CACNA1I: variants seen among roughly 807,000 people sequenced by gnomAD.
The protein encoded by CACNA1I is calcium voltage-gated channel subunit alpha1 I.
Under a neutral mutation model 201.6 loss-of-function variants are expected in CACNA1I, and 74 were observed. The ratio of observed to expected loss-of-function variants is 0.37; its 90% confidence interval spans 0.30 to 0.45. CACNA1I has a LOEUF of 0.45. Among genes scored for constraint, CACNA1I ranks in the 20% least tolerant of loss-of-function variants. The pLI is 1.00. For synonymous variants in CACNA1I, 1,431 were observed against 1,345.2 expected, an observed-to-expected ratio of 1.06 and a Z score of -1.40; for missense variants, 2,346 against 3,138.1, an observed-to-expected ratio of 0.75 and a Z score of 6.03.
chr22:39,591,631 T>C (rs1474451422), intron 1 of CACNA1I, among the ~76,000 whole-genome samples: 1 of 151,902 alleles, frequency 6.6e-6, no homozygotes, highest in African/African-American at 2.4e-5. Flanking sequence ...CAATCTCAGC[T>C]CACTGAAACC....
At position 39,685,026 on chromosome 22, in the gene CACNA1I, G is replaced by A. The variant is rs61295862; in HGVS notation, c.6027+528G>A. Reference sequence around the variant, plus strand: ...TGAAGCACTGAGGGCTCCGCTGTGGGGGTGGGGAAATGGGGCCGGGCCGGC... The same window carrying A: ...TGAAGCACTGAGGGCTCCGCTGTGGAGGTGGGGAAATGGGGCCGGGCCGGC... On this transcript the variant is annotated intron_variant, in intron 36 of 36. Transcript: ENST00000402142. The surrounding 1 kb of genome is among the most constrained non-coding windows in gnomAD (Gnocchi z 5.0). The A allele has an allele frequency of 4.4e-3, 820 of 187,130 alleles. 7 individuals carry two copies. The highest frequency in any genetic ancestry group is 0.018 in the African/African-American group (778 of 42,456). 11.6% of individuals were successfully genotyped at this position (187,130 alleles called of 1,614,324 possible).
intron 1 of CACNA1I, among the ~76,000 whole-genome samples, chr22:39,583,530 A>G (rs1441975779): frequency 6.6e-6 from 1 of 151,986 alleles, no homozygotes; most frequent in Non-Finnish European, 1.5e-5. Context: ...CCATCCCTCC[A>G]CTCAACCTTT....
Position 39,677,336 on chromosome 22 carries a change from C to T in CACNA1I, c.4855-5C>T, listed in dbSNP as rs755794135. 23 of 1,588,322 alleles carry T rather than the reference C, an allele frequency of 1.4e-5. No individual in the cohort carries two copies. The highest frequency in any genetic ancestry group is 5.2e-5 in the Admixed American group (3 of 57,512). ...CCCCACCCGGCCTCACCTGTCCTCC[C>T]GCAGGTGGGCAACCTGGGCCTCCTC... On this transcript the variant is annotated splice_polypyrimidine_tract_variant and splice_region_variant and intron_variant, in intron 29 of 36. Transcript: ENST00000402142. This position sits in a 1 kb window ranked among gnomAD's most constrained non-coding sequence, Gnocchi z 4.8.
rs1273145592 is a variant in CACNA1I at position 39,603,217 on chromosome 22, A to G, written c.482+2564A>G. ...AGAAAGTTCTTCCATCTCTTCTTTG[A>G]CTATGGCCCATTATTCTCTGCTGTC... On this transcript the variant is annotated intron_variant, in intron 3 of 36. Transcript: ENST00000402142. 4.6e-5 allele frequency among the ~76,000 whole-genome samples: 7 copies of G among 150,848 alleles called. No individual in the cohort carries two copies. In the East Asian group the frequency reaches 1.4e-3, roughly 29 times the overall value.
chr22:39,640,611 C>A (rs942960021), intron 5 of CACNA1I, among the ~76,000 whole-genome samples: 1 of 152,102 alleles, frequency 6.6e-6, no homozygotes, highest in African/African-American at 2.4e-5. Flanking sequence ...GAGGGCATCT[C>A]CCCCAGGAGC....
intron 4 of CACNA1I, among the ~76,000 whole-genome samples, chr22:39,620,237 GTCCATCCATCCA>G (rs67971450): frequency 0.073 from 8,616 of 117,636 alleles, 285 homozygotes; most frequent in East Asian, 0.1. Flanking sequence ...CCATCCACCT[GTCCATCCATCCA>G]TCCATCCATC....
chr22:39,608,689 G>A (rs1437280748), intron 3 of CACNA1I, among the ~76,000 whole-genome samples: 1 of 151,454 alleles, frequency 6.6e-6, no homozygotes, highest in African/African-American at 2.4e-5. Flanking sequence ...AAAAAAATGT[G>A]TGTGTCTGTA....
chr22:39,584,059 C>T (rs1932666473), intron 1 of CACNA1I, among the ~76,000 whole-genome samples: 1 of 152,176 alleles, frequency 6.6e-6, no homozygotes, highest in Admixed American at 6.5e-5. Context: ...AGTGGGGAGC[C>T]ACAGAAGGCT....
chr22:39,642,944 G>A (rs1253464488), intron 7 of CACNA1I, 55 bp downstream of exon 7: 5 of 1,245,212 alleles, frequency 4.0e-6, no homozygotes, highest in Middle Eastern at 1.9e-4. Flanking sequence ...TGGACCAGGG[G>A]ACCTGAGGAG....
intron 25 of CACNA1I, 39 bp downstream of exon 25, chr22:39,670,269 C>T: frequency 6.3e-7 from 1 of 1,590,152 alleles, no homozygotes; most frequent in Non-Finnish European, 8.5e-7. Context: ...CCACCCAGCT[C>T]TAAGCCCTTC....
intron 3 of CACNA1I, among the ~76,000 whole-genome samples, chr22:39,618,328 T>A (rs1439142255): frequency 2.0e-5 from 3 of 150,752 alleles, no homozygotes; most frequent in African/African-American, 7.3e-5. Context: ...TGTGTGTGAT[T>A]GTGCAGGTGT....
intron 1 of CACNA1I, among the ~76,000 whole-genome samples, chr22:39,582,135 C>T (rs1932574060): frequency 6.6e-6 from 1 of 152,162 alleles, no homozygotes; most frequent in Non-Finnish European, 1.5e-5. Context: ...GGGAGGCTCC[C>T]AGCCCCACAC....
chr22:39,619,900 G>A (rs186227852), intron 4 of CACNA1I, among the ~76,000 whole-genome samples: 64 of 152,008 alleles, frequency 4.2e-4, no homozygotes, highest in African/African-American at 1.4e-3. Context: ...CCTAGCCACC[G>A]GTTCATCCAT....
At chr22:39,602,014 T>C (rs71321162) in intron 3 of CACNA1I, among the ~76,000 whole-genome samples, 4 of 4,654 alleles carry the variant, frequency 8.6e-4, no homozygotes, top group Non-Finnish European at 1.6e-3. Flanking sequence ...CCTTCCTTCC[T>C]TCCCTCCTTC....
At chr22:39,680,335 C>T (rs1323629276) in intron 33 of CACNA1I, among the ~76,000 whole-genome samples, 3 of 152,174 alleles carry the variant, frequency 2.0e-5, no homozygotes, top group African/African-American at 2.4e-5. Context: ...CCAGAGCAGG[C>T]GCAGTTAGCC....
In CACNA1I at chr22:39,587,711, G is replaced by A. The variant is rs533477377; in HGVS notation, c.237-10440G>A. On this transcript the variant is annotated intron_variant, in intron 1 of 36. Transcript: ENST00000402142. ...CCTGCAGGTTGTTGTAAAGGTTCCT[G>A]TGGGGTTTGGCAATAGCAGGTGCCC... 8.4e-4 allele frequency: 379 copies of A among 451,206 alleles called. 5 individuals are homozygous for A. The highest frequency in any genetic ancestry group is 5.8e-3 in the South Asian group (370 of 63,564). The allele number at this position is 451,206 out of a possible 1,614,324, so 28.0% of individuals were successfully genotyped here. A position where few individuals can be genotyped will look rare whatever the true frequency, so the allele number is the denominator to read the frequency against.
intron 5 of CACNA1I, among the ~76,000 whole-genome samples, chr22:39,638,267 A>G (rs1488504841): frequency 6.6e-6 from 1 of 152,162 alleles, no homozygotes; most frequent in African/African-American, 2.4e-5. Flanking sequence ...TTATTGATTT[A>G]TTTTTAGTGG....
chr22:39,640,404 A>C (rs1934323355), intron 5 of CACNA1I, among the ~76,000 whole-genome samples: 1 of 152,116 alleles, frequency 6.6e-6, no homozygotes, highest in Non-Finnish European at 1.5e-5. Context: ...GAAAAAAAAG[A>C]AACGAAGTCT....
intron 4 of CACNA1I, among the ~76,000 whole-genome samples, chr22:39,624,686 G>T (rs1480440624): frequency 6.6e-6 from 1 of 152,164 alleles, no homozygotes. Context: ...CCCTCATTTC[G>T]CGGGACAGAC....
Sources: gnomAD v4.1 joint callset for allele counts (sites outside exome capture counted in the v4.1 genomes callset) on GRCh38, gnomAD v4.1.1 for gene constraint, Gnocchi (gnomAD v3.1) non-coding constraint, MANE v1.5 for transcripts, NCBI Gene and HGNC (gene_info 2026-07-23, HGNC 2026-07-21) for gene names.